The following GRIA1 variants were observed in gnomAD, a reference collection of about 807,000 sequenced individuals.
GRIA1 encodes the protein glutamate ionotropic receptor AMPA type subunit 1.
A neutral mutation model predicts 99.2 loss-of-function variants in GRIA1; 31 were observed. The observed-to-expected ratio is 0.31, with a 90% CI of 0.23 to 0.42. The LOEUF is 0.42. GRIA1 is among the 10% of genes least tolerant of loss of function. The probability of loss-of-function intolerance (pLI) is 1.00; values close to 1 mark genes in which losing one functional copy is unlikely to be tolerated. For missense variants in GRIA1, 782 were observed against 1,157.5 expected, an observed-to-expected ratio of 0.68 and a Z score of 4.71; for synonymous variants, 438 against 432.4, an observed-to-expected ratio of 1.01 and a Z score of -0.16.
rs1766830389 is a variant in GRIA1 at position 153,811,717 on chromosome 5, T to TA, written c.*492_*493insA. 1 of 154,732 alleles carries TA rather than the reference T, an allele frequency of 6.5e-6. No individual in the cohort carries two copies. The highest frequency in any genetic ancestry group is 2.4e-5 in the African/African-American group (1 of 41,454). The allele number at this position is 154,732 out of a possible 1,614,324, so 9.6% of individuals were successfully genotyped here. A position where few individuals can be genotyped will look rare whatever the true frequency, so the allele number is the denominator to read the frequency against. On this transcript the variant is annotated 3_prime_UTR_variant, in exon 16 of 16. Coordinates refer to ENST00000285900, the MANE Select transcript of GRIA1 (RefSeq NM_000827.4). ...GTTTTCAGATTGGAGATTCAAGATT[T>TA]GTTCCACTTTACAAGCAAGAGGAAA...
intron 2 of GRIA1, among the ~76,000 whole-genome samples, chr5:153,544,241 G>C (rs1013721882): frequency 6.6e-6 from 1 of 152,186 alleles, no homozygotes; most frequent in South Asian, 2.1e-4. Flanking sequence ...ACCTCCTCTG[G>C]TGGGGTCTCT....
chr5:153,653,374 C>G (rs900188873), intron 4 of GRIA1, among the ~76,000 whole-genome samples: 1 of 152,104 alleles, frequency 6.6e-6, no homozygotes, highest in African/African-American at 2.4e-5. Flanking sequence ...GCTGAGCGTC[C>G]ACTGGAGAGG....
chr5:153,696,341 GC>G (rs777840987), intron 8 of GRIA1, among the ~76,000 whole-genome samples: 161 of 152,308 alleles, frequency 1.1e-3, no homozygotes, highest in Non-Finnish European at 9.1e-4. Flanking sequence ...CAAGTCCAGA[GC>G]CCAATCCCTT....
intron 13 of GRIA1, among the ~76,000 whole-genome samples, chr5:153,774,485 G>C (rs926407066): frequency 6.6e-6 from 1 of 152,218 alleles, no homozygotes; most frequent in Non-Finnish European, 1.5e-5. Context: ...GCTTGAGTTT[G>C]TTCCAGGTAT....
intron 14 of GRIA1, among the ~76,000 whole-genome samples, chr5:153,795,756 C>T (rs761404722): frequency 9.9e-5 from 15 of 152,262 alleles, no homozygotes; most frequent in East Asian, 1.9e-4. Flanking sequence ...AATATCAGCA[C>T]GCCAGTGTTT....
At chr5:153,507,700 C>T (rs17515793) in intron 2 of GRIA1, among the ~76,000 whole-genome samples, 38,115 of 152,074 alleles carry the variant, frequency 0.25, 5,918 homozygotes, top group Non-Finnish European at 0.36. Context: ...TTACAGGTGG[C>T]GGATCAATTT....
chr5:153,534,962 C>A (rs1758429752), intron 2 of GRIA1, among the ~76,000 whole-genome samples: 1 of 151,934 alleles, frequency 6.6e-6, no homozygotes. Flanking sequence ...GTCTCTGTTG[C>A]CCAGGCTGGA....
At chr5:153,548,084 C>G (rs1759776946) in intron 2 of GRIA1, among the ~76,000 whole-genome samples, 1 of 152,150 alleles carries the variant, frequency 6.6e-6, no homozygotes. Flanking sequence ...TGAATTTTTA[C>G]TCCTGCTTGA....
chr5:153,778,581 T>C (rs377481449), intron 13 of GRIA1, among the ~76,000 whole-genome samples: 25 of 151,624 alleles, frequency 1.6e-4, no homozygotes, highest in African/African-American at 5.8e-4. Flanking sequence ...CTCTCAAAGA[T>C]GTAAGGAGGG....
intron 11 of GRIA1, among the ~76,000 whole-genome samples, chr5:153,710,635 C>G: frequency 6.6e-6 from 1 of 152,156 alleles, no homozygotes; most frequent in East Asian, 1.9e-4. Context: ...ATTTCTGATC[C>G]ATTTCCCCAT....
chr5:153,551,205 G>A lies in GRIA1; in HGVS notation c.220+57140G>A, dbSNP rs182140534. Among the ~76,000 whole-genome samples the A allele has an allele frequency of 5.9e-5, 9 of 152,182 alleles. No homozygotes were observed. The East Asian group carries it at 1.7e-3, about 29-fold the overall frequency. On this transcript the variant is annotated intron_variant, in intron 2 of 15. Coordinates refer to ENST00000285900, the MANE Select transcript of GRIA1 (RefSeq NM_000827.4). ...CTGTAGCATTCCCTACACCAAATCGGCCTTGCTCGGTCATGCATAGTTAAT... is the reference window on the plus strand; with the variant it reads ...CTGTAGCATTCCCTACACCAAATCGACCTTGCTCGGTCATGCATAGTTAAT...
chr5:153,769,037 G>A (rs867906003), intron 12 of GRIA1, among the ~76,000 whole-genome samples: 3 of 152,116 alleles, frequency 2.0e-5, no homozygotes, highest in South Asian at 2.1e-4. Flanking sequence ...ACCCTGTGAC[G>A]GACCCACAGG....
At chr5:153,746,465 G>A (rs576075633) in intron 11 of GRIA1, among the ~76,000 whole-genome samples, 3 of 152,112 alleles carry the variant, frequency 2.0e-5, no homozygotes, top group Admixed American at 6.5e-5. Flanking sequence ...ATGGGTCGGG[G>A]TATATTTTTA....
At chr5:153,564,135 T>C (rs1761405355) in intron 2 of GRIA1, among the ~76,000 whole-genome samples, 1 of 152,098 alleles carries the variant, frequency 6.6e-6, no homozygotes, top group Admixed American at 6.6e-5. Flanking sequence ...GCTTCAGAAA[T>C]GATTAGATTC....
At chr5:153,601,640 T>C (rs1764974129) in intron 2 of GRIA1, among the ~76,000 whole-genome samples, 1 of 152,210 alleles carries the variant, frequency 6.6e-6, no homozygotes, top group Non-Finnish European at 1.5e-5. Context: ...AGTAAACTAG[T>C]TCATGGCCAA....
chr5:153,659,488 C>A (rs1186114629), intron 5 of GRIA1, among the ~76,000 whole-genome samples: 1 of 152,174 alleles, frequency 6.6e-6, no homozygotes, highest in African/African-American at 2.4e-5. Context: ...TCACTCCCTG[C>A]TCTGAGACTG....
intron 2 of GRIA1, among the ~76,000 whole-genome samples, chr5:153,592,551 A>G (rs1764064263): frequency 6.6e-6 from 1 of 152,218 alleles, no homozygotes; most frequent in African/African-American, 2.4e-5. Context: ...ATGCATGTAT[A>G]ACTTACAAAA....
intron 2 of GRIA1, among the ~76,000 whole-genome samples, chr5:153,604,410 A>G (rs1483356043): frequency 6.6e-6 from 1 of 152,248 alleles, no homozygotes; most frequent in Admixed American, 6.5e-5. Context: ...TCAAAATACA[A>G]GAATTTCATT....
chr5:153,698,009 C>T, intron 8 of GRIA1, 35 bp from the exon 9 acceptor site: 1 of 1,207,166 alleles, frequency 8.3e-7, no homozygotes, highest in Non-Finnish European at 1.2e-6. Flanking sequence ...AGGAGGCTGG[C>T]CCACCTGACA....
Sources: gnomAD v4.1 joint callset for allele counts (sites outside exome capture counted in the v4.1 genomes callset) on GRCh38, gnomAD v4.1.1 for gene constraint, MANE v1.5 for transcripts, NCBI Gene and HGNC (gene_info 2026-07-23, HGNC 2026-07-21) for gene names.